ATL2: variants seen among roughly 807,000 people sequenced by gnomAD.
The protein encoded by ATL2 is atlastin GTPase 2, also known as atlastin-2.
Under a neutral mutation model 73.9 loss-of-function variants are expected in ATL2, and 31 were observed. The observed-to-expected ratio is 0.42, with a 90% confidence interval of 0.32 to 0.57. ATL2 has a LOEUF of 0.57. ATL2 is among the 20% of genes least tolerant of loss of function. The pLI is 0.14. For synonymous variants in ATL2, 291 were observed against 237.5 expected, an observed-to-expected ratio of 1.23 and a Z score of -2.07; for missense variants, 738 against 702.6, an observed-to-expected ratio of 1.05 and a Z score of -0.57.
intron 1 of ATL2, among the ~76,000 whole-genome samples, chr2:38,372,123 GTTTTT>G (rs371482809): frequency 8.0e-6 from 1 of 125,190 alleles, no homozygotes; most frequent in South Asian, 2.6e-4. Flanking sequence ...CATGTTAATT[GTTTTT>G]TTTTTTTTTT....
intron 1 of ATL2, chr2:38,358,365 T>C (rs528763041): frequency 6.5e-6 from 1 of 153,634 alleles, no homozygotes; most frequent in Non-Finnish European, 1.5e-5. Context: ...AAAGTCGAGG[T>C]ACATAAAACA....
At chr2:38,334,915 A>ATATATT (rs1553336572) in intron 2 of ATL2, among the ~76,000 whole-genome samples, 1 of 138,802 alleles carries the variant, frequency 7.2e-6, no homozygotes, top group Non-Finnish European at 1.5e-5. Flanking sequence ...ATAATATATA[A>ATATATT]ATATATTTAT....
At chr2:38,323,395 T>G (rs1444890380) in intron 2 of ATL2, among the ~76,000 whole-genome samples, 3 of 131,774 alleles carry the variant, frequency 2.3e-5, no homozygotes. Context: ...TCTCACTTGC[T>G]ATGTTGCCCA....
In ATL2 at chr2:38,294,472, C is replaced by T. The variant is rs546971483; in HGVS notation, c.*1522G>A. Among the ~76,000 whole-genome samples, 51 of 152,236 alleles carry T rather than the reference C, an allele frequency of 3.4e-4. No individual in the cohort carries two copies. The highest frequency in any genetic ancestry group is 8.5e-4 in the Admixed American group (13 of 15,296). On this transcript the variant is annotated 3_prime_UTR_variant, in exon 13 of 13. Coordinates refer to ENST00000378954, the MANE Select transcript of ATL2 (RefSeq NM_001135673.4). Reference sequence around the variant, plus strand: ...CTGAGGCGGGAGAATCACTTGAACCCAGGAGGTGGAGGTTGCAGTGAGCCA... The same window carrying T: ...CTGAGGCGGGAGAATCACTTGAACCTAGGAGGTGGAGGTTGCAGTGAGCCA...
chr2:38,316,946 G>T (rs1031287967), intron 4 of ATL2, among the ~76,000 whole-genome samples: 5 of 152,212 alleles, frequency 3.3e-5, no homozygotes, highest in Admixed American at 3.3e-4. Context: ...AAGAGACTTA[G>T]AGGGTCCCCA....
At chr2:38,317,807 A>AG (rs1668105751) in intron 4 of ATL2, among the ~76,000 whole-genome samples, 1 of 151,962 alleles carries the variant, frequency 6.6e-6, no homozygotes, top group Non-Finnish European at 1.5e-5. Context: ...TCCTTTAAAA[A>AG]AAAAAGTATG....
Position 38,295,378 on chromosome 2 carries a change from A to G in ATL2, c.*616T>C, listed in dbSNP as rs998826334. ...AAAAAGACAGTTCAGTTTCCCAGAT[A>G]TGCATCTCCTTTTAGGGCAAGTTTA... is the stretch of plus-strand genomic sequence containing the variant. On this transcript the variant is annotated 3_prime_UTR_variant, in exon 13 of 13. Transcript: ENST00000378954. 2.0e-5 allele frequency: 3 copies of G among 152,248 alleles called. No homozygotes were observed. The highest frequency in any genetic ancestry group is 7.2e-5 in the African/African-American group (3 of 41,472). The allele number at this position is 152,248 out of a possible 1,614,324, so 9.4% of individuals were successfully genotyped here.
At chr2:38,327,303 T>A (rs888018594) in intron 2 of ATL2, among the ~76,000 whole-genome samples, 1 of 151,622 alleles carries the variant, frequency 6.6e-6, no homozygotes, top group African/African-American at 2.4e-5. Context: ...ATGACAGCAA[T>A]GTATAAAAGA....
intron 1 of ATL2, among the ~76,000 whole-genome samples, chr2:38,359,109 T>C (rs1341100211): frequency 6.6e-6 from 1 of 152,168 alleles, no homozygotes; most frequent in Non-Finnish European, 1.5e-5. Flanking sequence ...TTATCAAATA[T>C]TTTCTCCCTT....
intron 2 of ATL2, among the ~76,000 whole-genome samples, chr2:38,338,128 A>T (rs1669480620): frequency 1.3e-5 from 2 of 152,254 alleles, no homozygotes; most frequent in African/African-American, 4.8e-5. Context: ...TCATGCAGCC[A>T]TAAAAAAGGA....
chr2:38,353,376 A>G (rs1469480965), intron 1 of ATL2, among the ~76,000 whole-genome samples: 1 of 152,218 alleles, frequency 6.6e-6, no homozygotes, highest in Non-Finnish European at 1.5e-5. Context: ...TAAACTTGCA[A>G]AGAGATCAAA....
chr2:38,376,282 T>C (rs929983805), intron 1 of ATL2: 332 of 1,354,166 alleles, frequency 2.5e-4, no homozygotes, highest in Middle Eastern at 7.7e-4. Context: ...AGGGATACAC[T>C]GCGCTGCCAA....
intron 1 of ATL2, chr2:38,354,184 CA>C (rs61343926): frequency 1.2e-4 from 50 of 411,110 alleles, no homozygotes; most frequent in East Asian, 3.6e-4. Context: ...GACTCTGTCT[CA>C]AAAAAAAGCA....
At chr2:38,309,234 A>T in intron 9 of ATL2, 145 bp downstream of exon 9, 1 of 739,044 alleles carries the variant, frequency 1.4e-6, no homozygotes, top group Non-Finnish European at 2.1e-6. Context: ...AAATACAGAT[A>T]CATCTAATTC....
intron 9 of ATL2, among the ~76,000 whole-genome samples, chr2:38,302,705 G>A (rs1198190904): frequency 2.0e-5 from 3 of 152,006 alleles, no homozygotes; most frequent in South Asian, 2.1e-4. Context: ...GGATCTTACC[G>A]AAGAGCACCA....
rs146273204 is a variant in ATL2 at position 38,377,224 on chromosome 2, G to A, written c.37C>T (p.Pro13Ser). The A allele has an allele frequency of 2.7e-4, 427 of 1,605,958 alleles. 1 individual carries two copies. Among genetic ancestry groups the A allele is most frequent in the Non-Finnish European group, 3.4e-4 (399 of 1,177,164 alleles). ...CGCCGGCGCCACAGCCCCTGGTGCG[G>A]TTGCTGCCCTCGCGCTGCCTCGTCC... Reference protein sequence around the residue: ...EGDEAARGQQPHQGLWRRRRT... With the variant: ...EGDEAARGQQSHQGLWRRRRT... Residue 13 changes from proline to serine, a missense_variant, in exon 1 of 13, where the codon CCG (proline) becomes TCG (serine). Transcript: ENST00000378954.
At chr2:38,299,191 A>AT (rs954196375) in intron 11 of ATL2, 65 bp downstream of exon 11, 28,533 of 923,048 alleles carry the variant, frequency 0.031, no homozygotes, top group Middle Eastern at 0.044. Flanking sequence ...AATTTTTTTA[A>AT]TTTTTTTTTT....
intron 1 of ATL2, among the ~76,000 whole-genome samples, chr2:38,363,290 C>T (rs1671114882): frequency 6.7e-6 from 1 of 150,224 alleles, no homozygotes; most frequent in South Asian, 2.1e-4. Flanking sequence ...TGAATAAACT[C>T]AGATCTGAAT....
At chr2:38,342,374 G>T (rs1320549363) in intron 2 of ATL2, among the ~76,000 whole-genome samples, 2 of 152,168 alleles carry the variant, frequency 1.3e-5, no homozygotes, top group African/African-American at 4.8e-5. Flanking sequence ...CCTGTACCAT[G>T]AGTTAGGAAG....
Sources: gnomAD v4.1 joint callset for allele counts (sites outside exome capture counted in the v4.1 genomes callset) on GRCh38, gnomAD v4.1.1 for gene constraint, MANE v1.5 for transcripts, NCBI Gene and HGNC (gene_info 2026-07-23, HGNC 2026-07-21) for gene names.